ITGAV: variants seen among roughly 807,000 people sequenced by gnomAD.
ITGAV encodes the protein integrin alpha-V.
Under a neutral mutation model 143.8 loss-of-function variants are expected in ITGAV, and 76 were observed. The ratio of observed to expected loss-of-function variants is 0.53; its 90% CI spans 0.44 to 0.64. The LOEUF (loss-of-function observed/expected upper bound fraction) is 0.64. ITGAV is among the 30% of genes least tolerant of loss of function. The pLI, the probability that ITGAV is intolerant of heterozygous loss-of-function variation, is 0.00. For missense variants in ITGAV, 1,193 were observed against 1,274.7 expected, an observed-to-expected ratio of 0.94 and a Z score of 0.98; for synonymous variants, 453 against 446.7, an observed-to-expected ratio of 1.01 and a Z score of -0.18.
chr2:186,642,786 G>A (rs1006632651), intron 12 of ITGAV, among the ~76,000 whole-genome samples: 10 of 151,878 alleles, frequency 6.6e-5, no homozygotes, highest in African/African-American at 2.4e-4. Flanking sequence ...TGCCTTGGCT[G>A]TGCGAAGTGC....
chr2:186,603,891 G>T (rs1453488761), intron 2 of ITGAV, among the ~76,000 whole-genome samples: 1 of 150,776 alleles, frequency 6.6e-6, no homozygotes, highest in Non-Finnish European at 1.5e-5. Context: ...TTGAGATAGG[G>T]TCTCGCTCTG....
intron 5 of ITGAV, among the ~76,000 whole-genome samples, chr2:186,631,758 T>TC (rs1404823436): frequency 2.0e-5 from 3 of 152,148 alleles, no homozygotes; most frequent in Non-Finnish European, 4.4e-5. Flanking sequence ...GTAGGCTGGG[T>TC]GCAGTGGCTC....
intron 1 of ITGAV, among the ~76,000 whole-genome samples, chr2:186,592,033 C>G (rs564713279): frequency 6.6e-5 from 10 of 152,268 alleles, no homozygotes; most frequent in African/African-American, 1.7e-4. Flanking sequence ...CAAGTGTATA[C>G]CTTCATGAGA....
intron 18 of ITGAV, among the ~76,000 whole-genome samples, chr2:186,659,389 A>G (rs1019646957): frequency 6.6e-6 from 1 of 152,016 alleles, no homozygotes; most frequent in African/African-American, 2.4e-5. Flanking sequence ...AAGCCACTCA[A>G]CATGGAGATA....
chr2:186,633,155 A>G (rs77265643), intron 5 of ITGAV, among the ~76,000 whole-genome samples, 174 bp from the exon 6 acceptor site: 2 of 151,682 alleles, frequency 1.3e-5, no homozygotes, highest in Admixed American at 1.3e-4. Flanking sequence ...AAAAAAAAAA[A>G]GTCTTATTAA....
At chr2:186,658,600 C>T (rs1000718634) in intron 17 of ITGAV, among the ~76,000 whole-genome samples, 9 of 152,060 alleles carry the variant, frequency 5.9e-5, no homozygotes, top group Non-Finnish European at 1.0e-4. Context: ...ACAAAATTAA[C>T]GTAGGCTACA....
chr2:186,650,944 G>T (rs140247634), intron 14 of ITGAV, among the ~76,000 whole-genome samples: 10 of 152,254 alleles, frequency 6.6e-5, no homozygotes, highest in Admixed American at 3.3e-4. Context: ...TAAGAAGCAG[G>T]AAATTAACCT....
intron 20 of ITGAV, 34 bp downstream of exon 20, chr2:186,664,675 A>C: frequency 6.2e-7 from 1 of 1,613,286 alleles, no homozygotes; most frequent in Non-Finnish European, 8.5e-7. Flanking sequence ...ATTGAAATGC[A>C]CTCACGGATC....
In ITGAV at chr2:186,663,756, G is replaced by A. The variant is rs1559065895; in HGVS notation, c.1858-12G>A. The stretch of plus-strand genomic sequence containing the variant: ...TATTTTTCATGTAGAAAAATAAAAT[G>A]TTTTTTTCTAGGCTCACATTCTACT... On this transcript the variant is annotated splice_polypyrimidine_tract_variant and intron_variant, in intron 18 of 29. Coordinates refer to ENST00000261023, the MANE Select transcript of ITGAV (RefSeq NM_002210.5). 2.5e-6 allele frequency: 4 copies of A among 1,602,958 alleles called. No homozygotes were observed. Among genetic ancestry groups the A allele is most frequent in the South Asian group, 2.2e-5 (2 of 90,510 alleles).
intron 1 of ITGAV, 55 bp from the exon 2 acceptor site, chr2:186,601,966 A>T: frequency 6.5e-7 from 1 of 1,548,978 alleles, no homozygotes; most frequent in Non-Finnish European, 8.7e-7. Flanking sequence ...AAATCAGAAG[A>T]TATTGCTTAC....
chr2:186,649,652 A>AT (rs1402583900), intron 13 of ITGAV, among the ~76,000 whole-genome samples, 188 bp from the exon 14 acceptor site: 1 of 152,110 alleles, frequency 6.6e-6, no homozygotes, highest in Admixed American at 6.6e-5. Context: ...TATGATAAGC[A>AT]TTTTCCACTG....
intron 2 of ITGAV, among the ~76,000 whole-genome samples, chr2:186,616,634 T>C (rs1254847372): frequency 6.6e-6 from 1 of 152,182 alleles, no homozygotes; most frequent in Non-Finnish European, 1.5e-5. Context: ...ATAACAGTAG[T>C]TGTCTGACCT....
At position 186,606,612 on chromosome 2, in the gene ITGAV, T is replaced by G. The variant is rs76030031; in HGVS notation, c.316+4461T>G. ...CTGCTACATTCTCCCTTTTCCTTTC[T>G]TCCCCAACTTTGAAGTGTGTTTAAA... On this transcript the variant is annotated intron_variant, in intron 2 of 29. Coordinates refer to ENST00000261023, the MANE Select transcript of ITGAV (RefSeq NM_002210.5). Among the ~76,000 whole-genome samples the G allele has an allele frequency of 2.9e-3, 447 of 152,292 alleles. 2 individuals are homozygous for G. Among genetic ancestry groups the G allele is most frequent in the African/African-American group, 0.01 (430 of 41,558 alleles).
chr2:186,648,156 T>C (rs970422798), intron 13 of ITGAV, among the ~76,000 whole-genome samples: 5 of 152,168 alleles, frequency 3.3e-5, no homozygotes, highest in Non-Finnish European at 7.3e-5. Flanking sequence ...CTTATTTACC[T>C]TTTTTTGTGG....
rs148985038 is a variant in ITGAV at position 186,671,582 on chromosome 2, C to T, written c.2706+1768C>T. 3.9e-5 allele frequency among the ~76,000 whole-genome samples: 6 copies of T among 152,294 alleles called. No homozygotes were observed. In the East Asian group the frequency reaches 1.2e-3, roughly 29 times the overall value. On this transcript the variant is annotated intron_variant, in intron 26 of 29. Transcript: ENST00000261023. Reference sequence around the variant, plus strand: ...TCCCAACCCCACTTTTGATCTTGCACTTTCTGTCCTCCTTCAGAATCTGTT... The same window carrying T: ...TCCCAACCCCACTTTTGATCTTGCATTTTCTGTCCTCCTTCAGAATCTGTT...
chr2:186,669,456 T>G (rs2595389), intron 25 of ITGAV, among the ~76,000 whole-genome samples: 56,050 of 152,084 alleles, frequency 0.37, 11,282 homozygotes, highest in Non-Finnish European at 0.47. Flanking sequence ...TTCATCAGTT[T>G]CCACTCTAGC....
At chr2:186,631,174 T>A (rs1467613890) in intron 5 of ITGAV, among the ~76,000 whole-genome samples, 2 of 152,178 alleles carry the variant, frequency 1.3e-5, no homozygotes, top group South Asian at 4.1e-4. Flanking sequence ...TTATAGCATA[T>A]TAAAGTTTTC....
rs1396725678 is a variant in ITGAV at position 186,680,447 on chromosome 2, G to GT, written c.*3161dup. 3 of 152,442 alleles carry GT rather than the reference G, an allele frequency of 2.0e-5. No individual in the cohort carries two copies. The highest frequency in any genetic ancestry group is 2.9e-5 in the Non-Finnish European group (2 of 67,932). The allele number at this position is 152,442 out of a possible 1,614,324, so 9.4% of individuals were successfully genotyped here. On this transcript the variant is annotated 3_prime_UTR_variant, in exon 30 of 30. Coordinates refer to ENST00000261023, the MANE Select transcript of ITGAV (RefSeq NM_002210.5). Reference sequence around the variant, plus strand: ...TTGGGAGAGGTACTGAATCTTTGATGTTTTTTGTCATTGTTCTCAAGTGCA... The same window carrying GT: ...TTGGGAGAGGTACTGAATCTTTGATGTTTTTTTGTCATTGTTCTCAAGTGCA...
chr2:186,610,366 G>T (rs552529183), intron 2 of ITGAV, among the ~76,000 whole-genome samples: 1 of 152,112 alleles, frequency 6.6e-6, no homozygotes, highest in Non-Finnish European at 1.5e-5. Flanking sequence ...AAAATGTGCT[G>T]CCCTGTTAAT....
Sources: allele counts gnomAD v4.1 joint callset (sites outside exome capture counted in the v4.1 genomes callset), GRCh38; gene constraint gnomAD v4.1.1; transcripts MANE v1.5; gene names NCBI Gene and HGNC (gene_info 2026-07-23, HGNC 2026-07-21).